Variants in PTPRD observed in about 807,000 individuals in gnomAD.
PTPRD encodes the protein receptor-type tyrosine-protein phosphatase delta.
PTPRD carries 34 observed loss-of-function variants against 214.5 expected under a neutral mutation model. The observed-to-expected ratio is 0.16, with a 90% CI of 0.12 to 0.21. The LOEUF is 0.21. PTPRD is among the 10% of genes least tolerant of loss of function. The pLI is 1.00. For synonymous variants in PTPRD, 1,128 were observed against 845.7 expected, an observed-to-expected ratio of 1.33 and a Z score of -5.79; for missense variants, 2,545 against 2,398.7, an observed-to-expected ratio of 1.06 and a Z score of -1.27.
Position 8,341,803 on chromosome 9 carries a change from C to G in PTPRD, c.4837G>C (p.Val1613Leu), listed in dbSNP as rs1852724488. ...GGCACTTCGGTATTTCCACAAGTCA[C>G]TGCTTCTAACAGTGCATCATGGATA... ...IFIHDALLEA[V>L]TCGNTEVPAR... The change falls in exon 40 of 46, where the codon GTG becomes CTG. Residue 1613 changes from valine (V) to leucine (L), a missense_variant. By Grantham distance (32) the Val-to-Leu change is conservative. Transcript: ENST00000381196. The G allele has an allele frequency of 1.2e-6, 2 of 1,613,502 alleles. No individual in the cohort carries two copies. The highest frequency in any genetic ancestry group is 1.3e-5 in the African/African-American group (1 of 74,872).
intron 14 of PTPRD, among the ~76,000 whole-genome samples, chr9:8,613,175 A>C (rs1421795032): frequency 1.3e-5 from 2 of 152,196 alleles, no homozygotes; most frequent in Non-Finnish European, 2.9e-5. Flanking sequence ...AGGTATTCAA[A>C]GAATGTTACT....
At chr9:9,378,902 C>T (rs2061465536) in intron 9 of PTPRD, among the ~76,000 whole-genome samples, 2 of 151,866 alleles carry the variant, frequency 1.3e-5, no homozygotes, top group South Asian at 2.1e-4. Context: ...TGGATAACCG[C>T]TCCTTATCAG....
At chr9:8,703,024 A>T (rs1246506011) in intron 12 of PTPRD, among the ~76,000 whole-genome samples, 1 of 152,220 alleles carries the variant, frequency 6.6e-6, no homozygotes, top group Admixed American at 6.5e-5. Flanking sequence ...CATAAAGACA[A>T]TTTCCAATTA....
intron 14 of PTPRD, among the ~76,000 whole-genome samples, chr9:8,629,061 C>G (rs1369674275): frequency 6.6e-6 from 1 of 151,346 alleles, no homozygotes; most frequent in Non-Finnish European, 1.5e-5. Context: ...TTTAAATGAC[C>G]CATTACATGC....
chr9:9,557,047 T>C (rs1359939472), intron 8 of PTPRD, among the ~76,000 whole-genome samples: 1 of 152,166 alleles, frequency 6.6e-6, no homozygotes, highest in East Asian at 1.9e-4. Flanking sequence ...TTATTTTGAG[T>C]GTGAGAGATA....
At chr9:8,584,458 A>AG (rs1594560876) in intron 14 of PTPRD, among the ~76,000 whole-genome samples, 1 of 152,090 alleles carries the variant, frequency 6.6e-6, no homozygotes, top group East Asian at 1.9e-4. Context: ...TACTGAAAAA[A>AG]AAAAAAATTT....
chr9:8,893,134 A>G (rs149252387), intron 11 of PTPRD, among the ~76,000 whole-genome samples: 28 of 152,228 alleles, frequency 1.8e-4, no homozygotes, highest in Non-Finnish European at 3.5e-4. Context: ...ATGATAGAAG[A>G]CATTTGAAGA....
At chr9:9,007,341 G>A (rs1162724727) in intron 11 of PTPRD, among the ~76,000 whole-genome samples, 1 of 150,252 alleles carries the variant, frequency 6.7e-6, no homozygotes, top group Non-Finnish European at 1.5e-5. Flanking sequence ...GGCTAAGGGT[G>A]ACAAGAGGAA....
At chr9:10,430,048 T>TG (rs1339638965) in intron 2 of PTPRD, among the ~76,000 whole-genome samples, 4 of 152,018 alleles carry the variant, frequency 2.6e-5, no homozygotes, top group Non-Finnish European at 5.9e-5. Flanking sequence ...TTCTATTATA[T>TG]AATAGCTTAT....
chr9:9,991,360 C>CT (rs35294285), intron 4 of PTPRD, among the ~76,000 whole-genome samples: 19,036 of 150,010 alleles, frequency 0.13, 1,281 homozygotes, highest in African/African-American at 0.16. Flanking sequence ...TCAAAATATA[C>CT]TTTTTTTTTT....
At chr9:9,075,095 C>G (rs182679100) in intron 10 of PTPRD, among the ~76,000 whole-genome samples, 1 of 151,878 alleles carries the variant, frequency 6.6e-6, no homozygotes, top group Non-Finnish European at 1.5e-5. Context: ...ATTGTACTTT[C>G]CTATGAAATT....
At chr9:9,562,103 G>A (rs1356034145) in intron 8 of PTPRD, among the ~76,000 whole-genome samples, 4 of 151,978 alleles carry the variant, frequency 2.6e-5, no homozygotes, top group Admixed American at 6.6e-5. Context: ...GATTTTCTGT[G>A]TCCCCCATAT....
chr9:8,730,271 A>G (rs542551542), intron 12 of PTPRD, among the ~76,000 whole-genome samples: 52 of 152,328 alleles, frequency 3.4e-4, no homozygotes, highest in South Asian at 2.1e-3. Flanking sequence ...AAGAAAAAAA[A>G]AGAAAGAAAT....
At chr9:8,459,872 C>T (rs373213638) in intron 33 of PTPRD, among the ~76,000 whole-genome samples, 13 of 152,180 alleles carry the variant, frequency 8.5e-5, no homozygotes, top group East Asian at 7.8e-4. Flanking sequence ...AATTGGGAGA[C>T]GATTCATTCT....
At chr9:9,230,053 T>C (rs2099962095) in intron 9 of PTPRD, among the ~76,000 whole-genome samples, 1 of 152,146 alleles carries the variant, frequency 6.6e-6, no homozygotes. Flanking sequence ...TTAAATTAAC[T>C]CAATATGGTA....
At chr9:9,545,483 G>A (rs527530154) in intron 8 of PTPRD, among the ~76,000 whole-genome samples, 32 of 151,798 alleles carry the variant, frequency 2.1e-4, no homozygotes, top group Non-Finnish European at 4.4e-4. Context: ...CTATTGTTTA[G>A]ATGTGCCACA....
chr9:10,388,084 T>C (rs1472951523), intron 2 of PTPRD, among the ~76,000 whole-genome samples: 1 of 151,666 alleles, frequency 6.6e-6, no homozygotes, highest in Non-Finnish European at 1.5e-5. Flanking sequence ...GCAACTTACA[T>C]GCTAAAAACA....
At chr9:9,606,065 T>G (rs2094134017) in intron 7 of PTPRD, among the ~76,000 whole-genome samples, 1 of 152,094 alleles carries the variant, frequency 6.6e-6, no homozygotes, top group African/African-American at 2.4e-5. Flanking sequence ...AAGAGTGGCC[T>G]TGAAGACTAG....
At chr9:8,452,818 C>T (rs1021440812) in intron 33 of PTPRD, among the ~76,000 whole-genome samples, 2 of 152,054 alleles carry the variant, frequency 1.3e-5, no homozygotes, top group Non-Finnish European at 2.9e-5. Flanking sequence ...TTGCTTTCAC[C>T]AGGCTCTCAT....
Sources: allele counts gnomAD v4.1 joint callset (sites outside exome capture counted in the v4.1 genomes callset), GRCh38; gene constraint gnomAD v4.1.1; transcripts MANE v1.5; gene names NCBI Gene and HGNC (gene_info 2026-07-23, HGNC 2026-07-21).